MTHFSD: variants seen among roughly 807,000 people sequenced by gnomAD.
MTHFSD encodes the protein methenyltetrahydrofolate synthase domain-containing protein.
A neutral mutation model predicts 31.1 loss-of-function variants in MTHFSD; 37 were observed. The ratio of observed to expected loss-of-function variants is 1.19; its 90% CI spans 0.91 to 1.56. The LOEUF is 1.56. MTHFSD is among the 40% of genes most tolerant of loss of function. The probability of loss-of-function intolerance (pLI) is 0.00; values close to 1 mark genes in which losing one functional copy is unlikely to be tolerated. For missense variants in MTHFSD, 664 were observed against 510.1 expected, an observed-to-expected ratio of 1.30 and a Z score of -2.91; for synonymous variants, 221 against 206.9, an observed-to-expected ratio of 1.07 and a Z score of -0.59.
chr16:86,531,873 AG>A lies in MTHFSD; in HGVS notation c.*137del. The A allele has an allele frequency of 1.9e-6, 1 of 527,952 alleles. No individual in the cohort carries two copies. Among genetic ancestry groups the A allele is most frequent in the Non-Finnish European group, 3.1e-6 (1 of 321,058 alleles). The allele number at this position is 527,952 out of a possible 1,614,324, so 32.7% of individuals were successfully genotyped here. On this transcript the variant is annotated 3_prime_UTR_variant, in exon 8 of 8. Transcript: ENST00000360900. The surrounding 1 kb of genome is among the most constrained non-coding windows in gnomAD (Gnocchi z 5.5). ...GGCGTTCACTGAGCGGTGACTTCTG[AG>A]AAGAATTGAGACCCGAGCAGCTCAG...
intron 2 of MTHFSD, among the ~76,000 whole-genome samples, chr16:86,554,324 G>A (rs552947145): frequency 9.2e-5 from 14 of 152,136 alleles, no homozygotes; most frequent in African/African-American, 3.4e-4. Context: ...CTCCAGACAC[G>A]CTGCCTTTAA....
chr16:86,534,011 G>T (rs1970335690), intron 7 of MTHFSD, among the ~76,000 whole-genome samples: 1 of 152,194 alleles, frequency 6.6e-6, no homozygotes, highest in African/African-American at 2.4e-5. Context: ...TGCCACGTCA[G>T]AAGCCTTGGC....
At chr16:86,538,801 G>T (rs562772982) in intron 7 of MTHFSD, among the ~76,000 whole-genome samples, 1 of 152,318 alleles carries the variant, frequency 6.6e-6, no homozygotes, top group South Asian at 2.1e-4. Flanking sequence ...TGTAGCTAGG[G>T]GTTCAGGGAG....
intron 5 of MTHFSD, 48 bp downstream of exon 5, chr16:86,546,511 C>T (rs1376404349): frequency 6.5e-7 from 1 of 1,549,068 alleles, no homozygotes; most frequent in Middle Eastern, 1.7e-4. Context: ...ACGCAGCCGC[C>T]TTCAGGCAGA....
chr16:86,537,474 T>C (rs1313777467), intron 7 of MTHFSD, among the ~76,000 whole-genome samples: 1 of 152,152 alleles, frequency 6.6e-6, no homozygotes, highest in East Asian at 1.9e-4. Flanking sequence ...TTATCTGAAT[T>C]TCTACATATT....
intron 4 of MTHFSD, chr16:86,547,185 C>T (rs1327123565): frequency 1.0e-6 from 1 of 987,026 alleles, no homozygotes; most frequent in Non-Finnish European, 1.2e-6. Flanking sequence ...ATCCTGAAGG[C>T]CACTATCTTT....
chr16:86,541,603 G>A lies in MTHFSD; in HGVS notation c.681+94C>T. The stretch of plus-strand genomic sequence containing the variant: ...GGTGATTCTAACATACAGCCATGCT[G>A]GGATTGCCAACAGCTCCCATGCCAG... On this transcript the variant is annotated intron_variant, in intron 7 of 7. Transcript: ENST00000360900. The A allele has an allele frequency of 2.0e-6, 3 of 1,513,952 alleles. No homozygotes were observed. In the South Asian group the frequency reaches 3.6e-5, roughly 18 times the overall value. 93.8% of individuals were successfully genotyped at this position (1,513,952 alleles called of 1,614,324 possible). A position where few individuals can be genotyped will look rare whatever the true frequency, so the allele number is the denominator to read the frequency against.
chr16:86,539,427 A>G (rs529787526), intron 7 of MTHFSD, among the ~76,000 whole-genome samples: 38 of 152,344 alleles, frequency 2.5e-4, no homozygotes, highest in African/African-American at 8.7e-4. Context: ...CGCATTTGCG[A>G]CAGTGATGTT....
chr16:86,551,332 T>G (rs1290865285), intron 3 of MTHFSD, among the ~76,000 whole-genome samples: 1 of 152,182 alleles, frequency 6.6e-6, no homozygotes, highest in Non-Finnish European at 1.5e-5. Flanking sequence ...CCGATACCTT[T>G]TGAGGGTACA....
At chr16:86,541,542 G>T in intron 7 of MTHFSD, 155 bp downstream of exon 7, 1 of 1,007,930 alleles carries the variant, frequency 9.9e-7, no homozygotes, top group African/African-American at 1.6e-5. Flanking sequence ...GCCTGGACAT[G>T]GTCATTCAGG....
At position 86,531,028 on chromosome 16, in the gene MTHFSD, C is replaced by G. The variant is rs1027342786; in HGVS notation, c.*983G>C. ...GAACATTTTCTTGAAAGCGCGTGCA[C>G]GGGCCGCCCTCTCGAGGCATCGTAA... On this transcript the variant is annotated 3_prime_UTR_variant, in exon 8 of 8. Coordinates refer to ENST00000360900, the MANE Select transcript of MTHFSD (RefSeq NM_001159377.2). This position sits in a 1 kb window ranked among gnomAD's most constrained non-coding sequence, Gnocchi z 5.5. 2 of 152,166 alleles carry G rather than the reference C, an allele frequency of 1.3e-5. No individual in the cohort carries two copies. The highest frequency in any genetic ancestry group is 2.9e-5 in the Non-Finnish European group (2 of 68,030). 9.4% of individuals were successfully genotyped at this position (152,166 alleles called of 1,614,324 possible). A position where few individuals can be genotyped will look rare whatever the true frequency, so the allele number is the denominator to read the frequency against.
At chr16:86,545,925 C>T (rs947664795) in intron 5 of MTHFSD, among the ~76,000 whole-genome samples, 3 of 152,254 alleles carry the variant, frequency 2.0e-5, no homozygotes, top group Non-Finnish European at 4.4e-5. Context: ...CCCACATCAG[C>T]TCCAGTGGTG....
Position 86,548,534 on chromosome 16 carries a change from C to G in MTHFSD, c.281G>C (p.Gly94Ala). Residue 94 changes from glycine to alanine, a missense_variant, in exon 4 of 8, where the codon GGA becomes GCA. Gly to Ala is a moderately conservative substitution (Grantham distance 60). Coordinates refer to ENST00000360900, the MANE Select transcript of MTHFSD (RefSeq NM_001159377.2). Reference protein sequence around the residue: ...LLVPTPRLRTGLFNKITPPPG... With the variant: ...LLVPTPRLRTALFNKITPPPG... Reference sequence around the variant, plus strand: ...GGGTGGTGTGATCTTATTAAACAATCCCGTTCTCAGTCGTGGTGTTGGAAC... The same window carrying G: ...GGGTGGTGTGATCTTATTAAACAATGCCGTTCTCAGTCGTGGTGTTGGAAC... 6.2e-7 allele frequency: 1 copy of G among 1,613,476 alleles called. No homozygotes were observed. The highest frequency in any genetic ancestry group is 2.2e-5 in the East Asian group (1 of 44,870).
chr16:86,551,910 T>C (rs1412839384), intron 3 of MTHFSD, 123 bp downstream of exon 3: 7 of 1,504,498 alleles, frequency 4.7e-6, no homozygotes, highest in Admixed American at 4.5e-5. Flanking sequence ...ACTTTCTGTA[T>C]TGGAGGGAAT....
rs1970056592 is a variant in MTHFSD, at chr16:86,532,145, C to A, written c.1018G>T (p.Gly340Cys). 2 of 1,561,658 alleles carry A rather than the reference C, an allele frequency of 1.3e-6. No homozygotes were observed. The highest frequency in any genetic ancestry group is 2.7e-5 in the African/African-American group (2 of 73,418). Residue 340 changes from glycine to cysteine, a missense_variant, in exon 8 of 8, where the codon GGC (glycine) becomes TGC (cysteine). By Grantham distance (159) the Gly-to-Cys change is radical. Coordinates refer to ENST00000360900, the MANE Select transcript of MTHFSD (RefSeq NM_001159377.2). ...GSVPLRLTWQ[G>C]PRRRAFLHYP... ...TGGAGGAAGGCTCTGCGCCGCGGGC[C>A]CTGCCAGGTGAGCCGCAGGGGCACG...
chr16:86,543,194 G>T (rs1327445652), intron 5 of MTHFSD, among the ~76,000 whole-genome samples: 1 of 152,232 alleles, frequency 6.6e-6, no homozygotes, highest in Admixed American at 6.5e-5. Flanking sequence ...CAAATCAAAG[G>T]CAAAGGAGAT....
chr16:86,548,678 T>G, intron 3 of MTHFSD, 101 bp from the exon 4 acceptor site: 2 of 898,128 alleles, frequency 2.2e-6, no homozygotes, highest in African/African-American at 1.7e-5. Flanking sequence ...CAAATTACTA[T>G]TATCCGCATG....
rs1471866817 is a variant in MTHFSD at position 86,546,543 on chromosome 16, C to T, written c.442+16G>A. ...CAGAGCTGTCACACTCAAGGGTTCC[C>T]ATCTGCTAGTCTTACCTTTTTCAGA... On this transcript the variant is annotated intron_variant, in intron 5 of 7. Coordinates refer to ENST00000360900, the MANE Select transcript of MTHFSD (RefSeq NM_001159377.2). 4.3e-6 allele frequency: 7 copies of T among 1,610,984 alleles called. No homozygotes were observed. Among genetic ancestry groups the T allele is most frequent in the Non-Finnish European group, 5.9e-6 (7 of 1,177,368 alleles).
At chr16:86,543,082 A>G (rs1415586506) in intron 5 of MTHFSD, among the ~76,000 whole-genome samples, 3 of 152,260 alleles carry the variant, frequency 2.0e-5, no homozygotes, top group African/African-American at 7.2e-5. Context: ...AAGAGAAAGA[A>G]AATTCAACAG....
Sources: allele counts gnomAD v4.1 joint callset (sites outside exome capture counted in the v4.1 genomes callset), GRCh38; gene constraint gnomAD v4.1.1; non-coding constraint Gnocchi (gnomAD v3.1); transcripts MANE v1.5; gene names NCBI Gene and HGNC (gene_info 2026-07-23, HGNC 2026-07-21).